PARD3B: variants seen among roughly 807,000 people sequenced by gnomAD.
The protein encoded by PARD3B is par-3 family cell polarity regulator beta, also known as partitioning defective 3 homolog B.
Under a neutral mutation model 130.2 loss-of-function variants are expected in PARD3B, and 103 were observed. The ratio of observed to expected loss-of-function variants is 0.79; its 90% CI spans 0.67 to 0.93. The LOEUF (loss-of-function observed/expected upper bound fraction) is 0.93, where lower values mean the gene tolerates loss of function less well. Among genes scored for constraint, PARD3B ranks in the 40% least tolerant of loss-of-function variants. The probability of loss-of-function intolerance (pLI) is 0.00; values close to 1 mark genes in which losing one functional copy is unlikely to be tolerated. For synonymous variants in PARD3B, 583 were observed against 553.2 expected (o/e 1.05, Z -0.76); for missense variants, 1,609 against 1,499.2 (o/e 1.07, Z -1.21).
At chr2:204,642,646 A>C (rs1304362925) in intron 1 of PARD3B, among the ~76,000 whole-genome samples, 1 of 152,034 alleles carries the variant, frequency 6.6e-6, no homozygotes, top group East Asian at 1.9e-4. Flanking sequence ...GGCTATCCCA[A>C]TATAGCCATT....
intron 18 of PARD3B, among the ~76,000 whole-genome samples, chr2:205,350,735 G>T (rs529070674): frequency 6.6e-6 from 1 of 152,238 alleles, no homozygotes; most frequent in South Asian, 2.1e-4. Context: ...TGAAAGAAAA[G>T]AGGTCTCTGG....
chr2:205,140,487 T>C (rs2032861819), intron 10 of PARD3B, among the ~76,000 whole-genome samples: 1 of 54,848 alleles, frequency 1.8e-5, no homozygotes, highest in Non-Finnish European at 4.4e-5. Context: ...AGACCGTTCC[T>C]TTTTTTTTTT....
chr2:205,181,535 G>T (rs72932499), intron 13 of PARD3B, among the ~76,000 whole-genome samples: 17,427 of 152,238 alleles, frequency 0.11, 1,373 homozygotes, highest in Non-Finnish European at 0.17. Context: ...TTCTGCCATC[G>T]TAGAGCAGAA....
In PARD3B at chr2:204,943,714, C is replaced by G. The variant is rs1689092883; in HGVS notation, c.223-21438C>G. 6.6e-6 allele frequency among the ~76,000 whole-genome samples: 1 copy of G among 152,136 alleles called. No homozygotes were observed. The stretch of plus-strand genomic sequence containing the variant: ...GGAGCATAAGAAAGGCTGGTTTTGG[C>G]AAGCAGAGGACAAATCCATCCTCTC... On this transcript the variant is annotated intron_variant, in intron 2 of 22. Coordinates refer to ENST00000406610, the MANE Select transcript of PARD3B (RefSeq NM_001302769.2). The surrounding 1 kb of genome is among the most constrained non-coding windows in gnomAD (Gnocchi z 4.2).
intron 19 of PARD3B, among the ~76,000 whole-genome samples, chr2:205,433,280 C>T (rs945785648): frequency 7.2e-5 from 11 of 152,074 alleles, no homozygotes; most frequent in African/African-American, 2.4e-4. Flanking sequence ...TGCCTATAAT[C>T]CCAGCACTTT....
At chr2:204,712,306 A>T (rs1041125500) in intron 2 of PARD3B, among the ~76,000 whole-genome samples, 1 of 152,112 alleles carries the variant, frequency 6.6e-6, no homozygotes, top group African/African-American at 2.4e-5. Flanking sequence ...CAGGTTAGAC[A>T]TTCTGACATT....
At chr2:205,504,779 T>G (rs901453094) in intron 21 of PARD3B, among the ~76,000 whole-genome samples, 1 of 152,200 alleles carries the variant, frequency 6.6e-6, no homozygotes, top group Non-Finnish European at 1.5e-5. Flanking sequence ...GGAACACTTT[T>G]ACACTGTTGG....
At chr2:205,358,641 G>C (rs753202566) in intron 18 of PARD3B, among the ~76,000 whole-genome samples, 3 of 152,120 alleles carry the variant, frequency 2.0e-5, no homozygotes, top group Non-Finnish European at 2.9e-5. Flanking sequence ...TCTCAAGCTT[G>C]AGCTTATTCT....
rs2045757243 is a variant in PARD3B, at chr2:205,388,981, A to G, written c.2631-12032A>G. On this transcript the variant is annotated intron_variant, in intron 18 of 22. Coordinates refer to ENST00000406610, the MANE Select transcript of PARD3B (RefSeq NM_001302769.2). The stretch of plus-strand genomic sequence containing the variant: ...TCTAAACTCAAAGGAGAAGCTAAGG[A>G]AAGAGGGGGTGGTTCTAAACTTTTA... Among the ~76,000 whole-genome samples, 3 of 152,202 alleles carry G rather than the reference A, an allele frequency of 2.0e-5. No individual in the cohort carries two copies. In the South Asian group the frequency reaches 6.2e-4, roughly 31 times the overall value.
rs570929950 is a variant in PARD3B, at chr2:204,773,933, G to A, written c.222+87651G>A. 4.1e-4 allele frequency among the ~76,000 whole-genome samples: 63 copies of A among 152,132 alleles called. 1 individual carries two copies. The South Asian group carries it at 0.012, about 30-fold the overall frequency. On this transcript the variant is annotated intron_variant, in intron 2 of 22. Coordinates refer to ENST00000406610, the MANE Select transcript of PARD3B (RefSeq NM_001302769.2). ...GTAGAATTCAGAGTGCTTGTCATGG[G>A]TGTCGACCCTGCCTGTTCCTGGCCT...
intron 21 of PARD3B, among the ~76,000 whole-genome samples, chr2:205,536,123 A>C (rs1263235453): frequency 2.0e-5 from 3 of 152,088 alleles, no homozygotes; most frequent in Non-Finnish European, 4.4e-5. Flanking sequence ...AATGGCAGGG[A>C]GTGGGGTCCT....
chr2:204,550,553 T>G (rs2030378127), intron 1 of PARD3B, among the ~76,000 whole-genome samples: 1 of 152,094 alleles, frequency 6.6e-6, no homozygotes, highest in Non-Finnish European at 1.5e-5. Context: ...ATTGAATTCG[T>G]GGAATAGCAG....
chr2:205,398,987 C>T (rs547028309), intron 18 of PARD3B, among the ~76,000 whole-genome samples: 8 of 152,118 alleles, frequency 5.3e-5, no homozygotes, highest in South Asian at 4.1e-4. Context: ...GTCTAAGAAT[C>T]GCTGGGCACG....
At chr2:205,101,973 T>A (rs933038103) in intron 4 of PARD3B, among the ~76,000 whole-genome samples, 11 of 152,186 alleles carry the variant, frequency 7.2e-5, no homozygotes, top group African/African-American at 2.7e-4. Flanking sequence ...CTGAATATAC[T>A]GAAAACCACT....
chr2:204,888,772 G>A (rs1018193668), intron 2 of PARD3B, among the ~76,000 whole-genome samples: 2 of 150,940 alleles, frequency 1.3e-5, no homozygotes, highest in African/African-American at 2.4e-5. Flanking sequence ...ACCAAGATGA[G>A]GAGGCCTGAG....
At chr2:204,918,585 C>A (rs1242780747) in intron 2 of PARD3B, among the ~76,000 whole-genome samples, 2 of 149,948 alleles carry the variant, frequency 1.3e-5, no homozygotes, top group South Asian at 4.2e-4. Flanking sequence ...AGCCGAGATC[C>A]CGCCACTGCA....
rs17595238 is a variant in PARD3B, at chr2:204,689,509, G to A, written c.222+3227G>A. The stretch of plus-strand genomic sequence containing the variant: ...AGTTTGTCTATCAGTCTGATGATTC[G>A]AGTTCTTTGGGATAAATATCTAAGA... On this transcript the variant is annotated intron_variant, in intron 2 of 22. Transcript: ENST00000406610. The surrounding 1 kb of genome is among the most constrained non-coding windows in gnomAD (Gnocchi z 5.2). Among the ~76,000 whole-genome samples, 8,313 of 152,002 alleles carry A rather than the reference G, an allele frequency of 0.055. 656 individuals carry two copies. Among genetic ancestry groups the A allele is most frequent in the African/African-American group, 0.17 (6,906 of 41,440 alleles).
At chr2:204,883,455 A>ATATTTTTT (rs1377428928) in intron 2 of PARD3B, among the ~76,000 whole-genome samples, 1 of 77,270 alleles carries the variant, frequency 1.3e-5, no homozygotes, top group African/African-American at 5.5e-5. Context: ...ATATATATAT[A>ATATTTTTT]TTTTTTTTTT....
chr2:205,072,240 C>CTTTTTTTTTTTTTTTTTTTTT (rs34061560), intron 4 of PARD3B, among the ~76,000 whole-genome samples: 1 of 140,532 alleles, frequency 7.1e-6, no homozygotes. Context: ...AATTCAGGTC[C>CTTTTTTTTTTTTTTTTTTTTT]TTTTTTTTTT....
Sources: allele counts gnomAD v4.1 joint callset (sites outside exome capture counted in the v4.1 genomes callset), GRCh38; gene constraint gnomAD v4.1.1; non-coding constraint Gnocchi (gnomAD v3.1); transcripts MANE v1.5; gene names NCBI Gene and HGNC (gene_info 2026-07-23, HGNC 2026-07-21).